Variants in NHS observed in about 807,000 individuals in gnomAD.
The protein encoded by NHS is actin remodeling regulator NHS.
A neutral mutation model predicts 72.5 loss-of-function variants in NHS; 5 were observed. That is an observed-to-expected ratio of 0.07 (90% confidence interval 0.04 to 0.14). The LOEUF is 0.14. Ranked by LOEUF, NHS falls within the 10% of genes least tolerant of loss-of-function variation. The probability of loss-of-function intolerance (pLI) is 1.00; values close to 1 mark genes in which losing one functional copy is unlikely to be tolerated. For missense variants in NHS, 1,072 were observed against 1,355.7 expected (o/e 0.79, Z 3.29); for synonymous variants, 464 against 547.7 (o/e 0.85, Z 2.13).
chrX:17,726,396 G>C lies in NHS; in HGVS notation c.2290G>C (p.Glu764Gln). 1.2e-5 allele frequency: 14 copies of C among 1,212,041 alleles called. No individual in the cohort carries two copies. Among genetic ancestry groups the C allele is most frequent in the Non-Finnish European group, 1.6e-5 (14 of 895,547 alleles). Residue 764 changes from glutamate to glutamine, a missense_variant, in exon 7 of 9, where the codon GAA (glutamate) becomes CAA (glutamine). By Grantham distance (29) the Glu-to-Gln change is conservative. Transcript: ENST00000676302. Reference sequence around the variant, plus strand: ...CATGGCCACTTATGACAGCTTTCTGGAAAAGTCTCCATCAGACAAAGCGGA... The same window carrying C: ...CATGGCCACTTATGACAGCTTTCTGCAAAAGTCTCCATCAGACAAAGCGGA... ...TSMATYDSFLEKSPSDKADTS... is the reference protein window; with the variant it reads ...TSMATYDSFLQKSPSDKADTS...
intron 1 of NHS, among the ~76,000 whole-genome samples, chrX:17,461,556 C>A (rs2064847468): frequency 8.9e-6 from 1 of 112,924 alleles, no homozygotes; most frequent in Non-Finnish European, 1.9e-5. Flanking sequence ...GGGCTGGCCA[C>A]AGAAGCCTGG....
At chrX:17,390,011 T>C (rs1374733064) in intron 1 of NHS, among the ~76,000 whole-genome samples, 1 of 112,189 alleles carries the variant, frequency 8.9e-6, no homozygotes, top group Non-Finnish European at 1.9e-5. Flanking sequence ...GAAATACTGA[T>C]TTGCAAACTG....
At chrX:17,664,914 T>C (rs1468053632) in intron 1 of NHS, among the ~76,000 whole-genome samples, 1 of 111,494 alleles carries the variant, frequency 9.0e-6, no homozygotes, top group African/African-American at 3.3e-5. Flanking sequence ...AGAGGACTTG[T>C]ATATTTTCTG....
chrX:17,723,528 G>A (rs1342507148), intron 5 of NHS, among the ~76,000 whole-genome samples: 3 of 111,917 alleles, frequency 2.7e-5, no homozygotes, highest in Non-Finnish European at 5.6e-5. Context: ...GGCAATTCCA[G>A]CTTTACAGTT....
chrX:17,513,335 C>G (rs764208397), intron 1 of NHS, among the ~76,000 whole-genome samples: 3 of 111,488 alleles, frequency 2.7e-5, no homozygotes, highest in Non-Finnish European at 5.7e-5. Flanking sequence ...TACCTTATTT[C>G]TCCCACGTGT....
In NHS at chrX:17,514,475, G is replaced by T. The variant is rs371932434; in HGVS notation, c.565+138153G>T. Among the ~76,000 whole-genome samples the T allele has an allele frequency of 4.5e-5, 5 of 112,089 alleles. No individual in the cohort carries two copies. The East Asian group carries it at 8.4e-4, about 19-fold the overall frequency. On this transcript the variant is annotated intron_variant, in intron 1 of 8. Transcript: ENST00000676302. ...ACTCTTTGACTTACACCAGTGGTTT[G>T]CCAGGGGCTCTCGGGCCTTTGGCCA... is the stretch of plus-strand genomic sequence containing the variant.
chrX:17,536,487 C>G (rs1188551128), intron 1 of NHS, among the ~76,000 whole-genome samples: 1 of 112,731 alleles, frequency 8.9e-6, no homozygotes, highest in Non-Finnish European at 1.9e-5. Context: ...CTGTCTCTAC[C>G]TAGTCAGAGA....
chrX:17,631,118 A>G (rs2065820960), intron 1 of NHS, among the ~76,000 whole-genome samples: 1 of 112,460 alleles, frequency 8.9e-6, no homozygotes. Flanking sequence ...ATTTAAGTCA[A>G]AAGATCCACA....
intron 1 of NHS, among the ~76,000 whole-genome samples, chrX:17,560,760 A>C (rs183110324): frequency 3.6e-5 from 4 of 112,308 alleles, no homozygotes; most frequent in Admixed American, 9.4e-5. Context: ...GCCTGGAACA[A>C]AGCCTCCTAT....
At chrX:17,635,255 C>T (rs1196399202) in intron 1 of NHS, 2 of 1,007,165 alleles carry the variant, frequency 2.0e-6, no homozygotes, top group Non-Finnish European at 2.5e-6. Context: ...CTAAGCCCCT[C>T]CTCTGGAGAC....
intron 1 of NHS, among the ~76,000 whole-genome samples, chrX:17,430,283 CTTT>C (rs2064685061): frequency 1.0e-4 from 7 of 70,265 alleles, no homozygotes; most frequent in African/African-American, 3.0e-4. Context: ...TTCTTTCTTT[CTTT>C]CTTTCTTTCT....
intron 1 of NHS, among the ~76,000 whole-genome samples, chrX:17,583,016 T>C (rs886817973): frequency 7.2e-5 from 8 of 111,838 alleles, no homozygotes; most frequent in Non-Finnish European, 1.5e-4. Context: ...ATTGGTTTGG[T>C]CTTTCTATCA....
chrX:17,481,507 A>G (rs961319371), intron 1 of NHS, among the ~76,000 whole-genome samples: 2 of 111,704 alleles, frequency 1.8e-5, no homozygotes, highest in African/African-American at 6.5e-5. Flanking sequence ...TCTACTGAGT[A>G]GAGTATGTTT....
chrX:17,623,170 C>A (rs1485603068), intron 1 of NHS, among the ~76,000 whole-genome samples: 1 of 111,635 alleles, frequency 9.0e-6, no homozygotes, highest in Non-Finnish European at 1.9e-5. Context: ...AACTCCTGGG[C>A]TCAAGCAATC....
At chrX:17,496,451 G>C (rs2065012718) in intron 1 of NHS, among the ~76,000 whole-genome samples, 1 of 111,469 alleles carries the variant, frequency 9.0e-6, no homozygotes, top group African/African-American at 3.3e-5. Context: ...AGTTTGTAAA[G>C]GTGAGAGAAA....
chrX:17,441,159 G>T (rs1052779640), intron 1 of NHS, among the ~76,000 whole-genome samples: 17 of 112,494 alleles, frequency 1.5e-4, no homozygotes, highest in African/African-American at 5.5e-4. Context: ...GATGGCAGAC[G>T]TTGGGGAAGA....
At chrX:17,666,688 T>TA (rs1288168273) in intron 1 of NHS, among the ~76,000 whole-genome samples, 1 of 112,464 alleles carries the variant, frequency 8.9e-6, no homozygotes, top group Non-Finnish European at 1.9e-5. Context: ...GCAGGCAGGA[T>TA]AAAAAACTGG....
At chrX:17,602,572 G>A (rs2065655959) in intron 1 of NHS, among the ~76,000 whole-genome samples, 1 of 111,360 alleles carries the variant, frequency 9.0e-6, no homozygotes, top group East Asian at 2.8e-4. Flanking sequence ...CAAATGGAGA[G>A]GAGATAAATA....
chrX:17,404,078 T>C (rs2064515525), intron 1 of NHS, among the ~76,000 whole-genome samples: 1 of 112,584 alleles, frequency 8.9e-6, no homozygotes, highest in Admixed American at 9.4e-5. Context: ...CTCGCTGTCC[T>C]GTCCTTGTTT....
Sources: gnomAD v4.1 joint callset for allele counts (sites outside exome capture counted in the v4.1 genomes callset) on GRCh38, gnomAD v4.1.1 for gene constraint, MANE v1.5 for transcripts, NCBI Gene and HGNC (gene_info 2026-07-23, HGNC 2026-07-21) for gene names.